Variants in BCAS1 observed in about 807,000 individuals in gnomAD.
BCAS1 encodes breast carcinoma-amplified sequence 1.
BCAS1 carries 46 observed loss-of-function variants against 65.4 expected under a neutral mutation model. The ratio of observed to expected loss-of-function variants is 0.70; its 90% CI spans 0.55 to 0.90. The LOEUF (loss-of-function observed/expected upper bound fraction) is 0.90. Ranked by LOEUF, BCAS1 falls within the 40% of genes least tolerant of loss-of-function variation. The pLI, the probability that BCAS1 is intolerant of heterozygous loss-of-function variation, is 0.00. For missense variants in BCAS1, 793 were observed against 771.2 expected (o/e 1.03, Z -0.33); for synonymous variants, 298 against 293.5 (o/e 1.02, Z -0.16).
At chr20:53,966,629 T>A (rs1436013208) in intron 10 of BCAS1, among the ~76,000 whole-genome samples, 3 of 151,932 alleles carry the variant, frequency 2.0e-5, no homozygotes, top group African/African-American at 7.3e-5. Context: ...ACTATTGAAA[T>A]AAAAAAAATT....
intron 8 of BCAS1, among the ~76,000 whole-genome samples, chr20:53,978,709 GT>G (rs1782649758): frequency 6.6e-6 from 1 of 152,198 alleles, no homozygotes; most frequent in South Asian, 2.1e-4. Flanking sequence ...TCTGTTAGTG[GT>G]TGTTGAAATA....
In BCAS1 at chr20:53,996,152, C is replaced by A. The variant is rs1406861697; in HGVS notation, c.724-102G>T. ...TTTCTCTCTTACCCCCTAATTCCAG[C>A]CATACTTCTTCTGCCCACAGGCGTG... On this transcript the variant is annotated intron_variant, in intron 4 of 12. Coordinates refer to ENST00000688948, the MANE Select transcript of BCAS1 (RefSeq NM_001366298.2). The A allele has an allele frequency of 1.6e-5, 21 of 1,274,304 alleles. No homozygotes were observed. In the South Asian group the frequency reaches 3.4e-4, roughly 21 times the overall value. The allele number at this position is 1,274,304 out of a possible 1,614,324, so 78.9% of individuals were successfully genotyped here.
At chr20:53,961,745 G>C (rs555517083) in intron 10 of BCAS1, among the ~76,000 whole-genome samples, 6 of 152,292 alleles carry the variant, frequency 3.9e-5, no homozygotes, top group South Asian at 2.1e-4. Flanking sequence ...TTACACATGA[G>C]TCAAAGGGTG....
At chr20:54,045,675 A>C (rs1226386720) in intron 3 of BCAS1, among the ~76,000 whole-genome samples, 3 of 152,254 alleles carry the variant, frequency 2.0e-5, no homozygotes, top group Non-Finnish European at 4.4e-5. Flanking sequence ...CAAACTTAAA[A>C]TTATATAACT....
At chr20:53,962,083 A>C (rs138855154) in intron 10 of BCAS1, among the ~76,000 whole-genome samples, 86 of 152,348 alleles carry the variant, frequency 5.6e-4, no homozygotes, top group African/African-American at 2.0e-3. Context: ...GAATTGACCA[A>C]ATTAATGCTT....
intron 4 of BCAS1, among the ~76,000 whole-genome samples, chr20:54,004,389 T>G (rs2091134682): frequency 6.6e-6 from 1 of 152,220 alleles, no homozygotes; most frequent in Non-Finnish European, 1.5e-5. Context: ...GGTACTTTGA[T>G]AGCAGCCTGA....
At chr20:53,966,150 T>C (rs947312731) in intron 10 of BCAS1, among the ~76,000 whole-genome samples, 1 of 152,106 alleles carries the variant, frequency 6.6e-6, no homozygotes, top group Non-Finnish European at 1.5e-5. Context: ...GGAAAATAAG[T>C]CATTATCTGA....
In BCAS1 at chr20:53,959,028, C is replaced by T. The variant is rs566469383; in HGVS notation, c.1486-1531G>A. Among the ~76,000 whole-genome samples, 5 of 152,316 alleles carry T rather than the reference C, an allele frequency of 3.3e-5. No homozygotes were observed. In the South Asian group the frequency reaches 1.0e-3, roughly 32 times the overall value. ...GGATAAGATGGAGGATGACCAAACT[C>T]AAATGTGGATGTTTATGGGATGTCC... On this transcript the variant is annotated intron_variant, in intron 10 of 12. Transcript: ENST00000688948.
intron 7 of BCAS1, among the ~76,000 whole-genome samples, chr20:53,990,074 G>C (rs192991087): frequency 4.6e-4 from 70 of 152,188 alleles, no homozygotes; most frequent in African/African-American, 1.7e-3. Context: ...TTTCACATTG[G>C]GTGTGGGAGA....
chr20:54,053,936 C>A (rs1297898815), intron 3 of BCAS1, among the ~76,000 whole-genome samples: 1 of 152,130 alleles, frequency 6.6e-6, no homozygotes, highest in Non-Finnish European at 1.5e-5. Flanking sequence ...TAAAGACATA[C>A]CTGAGACTGG....
intron 10 of BCAS1, 84 bp from the exon 11 acceptor site, chr20:53,957,581 A>G: frequency 3.1e-6 from 4 of 1,294,528 alleles, no homozygotes; most frequent in Admixed American, 1.7e-5. Flanking sequence ...GGATGATCTC[A>G]GTCATTTATC....
intron 4 of BCAS1, among the ~76,000 whole-genome samples, chr20:54,012,269 T>C (rs956236814): frequency 1.3e-5 from 2 of 152,148 alleles, no homozygotes; most frequent in African/African-American, 4.8e-5. Context: ...GGGAAGTGGA[T>C]GCACCTGAAC....
At chr20:53,996,449 G>A (rs1461017853) in intron 4 of BCAS1, among the ~76,000 whole-genome samples, 1 of 133,038 alleles carries the variant, frequency 7.5e-6, no homozygotes, top group Non-Finnish European at 1.6e-5. Flanking sequence ...CACAGAGTTG[G>A]ATTATATCAA....
chr20:54,028,179 G>A (rs1349390653), intron 4 of BCAS1: 4 of 590,448 alleles, frequency 6.8e-6, no homozygotes, highest in Non-Finnish European at 1.2e-5. Context: ...ACATAAAACA[G>A]ATGCCACAGC....
In BCAS1 at chr20:53,966,991, T is replaced by C. The variant is rs1326482198; in HGVS notation, c.1400A>G (p.Asp467Gly). The C allele has an allele frequency of 1.9e-6, 3 of 1,613,296 alleles. No individual in the cohort carries two copies. Among genetic ancestry groups the C allele is most frequent in the African/African-American group, 2.7e-5 (2 of 74,918 alleles). Residue 467 changes from aspartate (D) to glycine (G), a missense_variant, in exon 10 of 13, where the codon GAT (aspartate) becomes GGT (glycine). Transcript: ENST00000688948. ...CGCTTCTGTGGGTTCAGGTGCAGCA[T>C]CTCCTTCGTTGAGGTCCACTGTTTG... ...ALQTVDLNEG[D>G]AAPEPTEAKL... is the part of the protein sequence containing the mutation.
chr20:54,031,165 A>G (rs2091791643), intron 3 of BCAS1, among the ~76,000 whole-genome samples: 1 of 151,536 alleles, frequency 6.6e-6, no homozygotes, highest in Admixed American at 6.6e-5. Context: ...GTGGTAAGTA[A>G]GAGTGTTATA....
intron 2 of BCAS1, 137 bp from the exon 3 acceptor site, chr20:54,058,291 C>T (rs2092327851): frequency 1.2e-6 from 1 of 814,826 alleles, no homozygotes; most frequent in East Asian, 2.7e-5. Flanking sequence ...AGAAACTCCC[C>T]AGTTTTCTAT....
intron 3 of BCAS1, among the ~76,000 whole-genome samples, chr20:54,046,598 C>T (rs142049052): frequency 2.0e-5 from 3 of 149,096 alleles, no homozygotes; most frequent in African/African-American, 7.4e-5. Flanking sequence ...AATTCTAGCA[C>T]TTTGGGAGGC....
At chr20:54,054,879 A>T (rs2092272684) in intron 3 of BCAS1, among the ~76,000 whole-genome samples, 1 of 152,250 alleles carries the variant, frequency 6.6e-6, no homozygotes, top group Non-Finnish European at 1.5e-5. Context: ...ATATATATGA[A>T]ATATGCATAT....
Sources: gnomAD v4.1 joint callset for allele counts (sites outside exome capture counted in the v4.1 genomes callset) on GRCh38, gnomAD v4.1.1 for gene constraint, MANE v1.5 for transcripts, NCBI Gene and HGNC (gene_info 2026-07-23, HGNC 2026-07-21) for gene names.